CTNNA1: variants seen among roughly 807,000 people sequenced by gnomAD.
The protein encoded by CTNNA1 is catenin alpha-1.
Under a neutral mutation model 98.4 loss-of-function variants are expected in CTNNA1, and 37 were observed. That is an observed-to-expected ratio of 0.38 (90% CI 0.29 to 0.49). The LOEUF (loss-of-function observed/expected upper bound fraction) is 0.49, where lower values mean the gene tolerates loss of function less well. CTNNA1 is among the 20% of genes least tolerant of loss of function. CTNNA1 has a pLI of 0.95. For synonymous variants in CTNNA1, 404 were observed against 413.2 expected (o/e 0.98, Z 0.27); for missense variants, 761 against 1,147.2 (o/e 0.66, Z 4.86).
At chr5:138,784,146 C>T (rs1421343512) in intron 3 of CTNNA1, among the ~76,000 whole-genome samples, 1 of 152,174 alleles carries the variant, frequency 6.6e-6, no homozygotes, top group Non-Finnish European at 1.5e-5. Flanking sequence ...TCAAACAATC[C>T]GCCTGCCTCG....
chr5:138,851,925 C>T (rs572051856), intron 7 of CTNNA1, among the ~76,000 whole-genome samples: 2 of 151,888 alleles, frequency 1.3e-5, no homozygotes, highest in Non-Finnish European at 2.9e-5. Flanking sequence ...AAAAAATTAG[C>T]CAGGCATGAT....
chr5:138,807,466 G>A (rs1333455499), intron 3 of CTNNA1, among the ~76,000 whole-genome samples: 2 of 151,868 alleles, frequency 1.3e-5, no homozygotes, highest in African/African-American at 4.8e-5. Context: ...CCCTAAACTA[G>A]TTGTTAGTGC....
intron 5 of CTNNA1, among the ~76,000 whole-genome samples, chr5:138,820,449 C>T (rs1759923199): frequency 6.6e-6 from 1 of 152,078 alleles, no homozygotes; most frequent in Non-Finnish European, 1.5e-5. Flanking sequence ...TCAGCTGGGC[C>T]TAGTGCCTAT....
chr5:138,917,858 C>T lies in CTNNA1; in HGVS notation c.1506C>T (p.Val502=), dbSNP rs1060504516. The change falls in exon 11 of 18, where the codon GTC becomes GTT. Residue 502 remains valine, a synonymous_variant. Transcript: ENST00000302763. The part of the protein sequence containing the change: ...EKQVRVLTDA[V]DDITSIDDFL... ...AAGTCCGTGTTCTCACAGATGCTGT[C>T]GATGACATTACTTCCATTGATGACT... 40 of 1,614,034 alleles carry T rather than the reference C, an allele frequency of 2.5e-5. No homozygotes were observed. The highest frequency in any genetic ancestry group is 1.6e-4 in the Middle Eastern group (1 of 6,084).
intron 1 of CTNNA1, chr5:138,754,962 T>G (rs953320954): frequency 1.3e-5 from 2 of 152,140 alleles, no homozygotes; most frequent in African/African-American, 4.8e-5. Flanking sequence ...CTCGCTGTCT[T>G]GCCCAAGCTG....
chr5:138,838,555 A>G (rs1176035719), intron 7 of CTNNA1, among the ~76,000 whole-genome samples: 2 of 151,250 alleles, frequency 1.3e-5, no homozygotes, highest in Admixed American at 6.6e-5. Flanking sequence ...AATACTTCCA[A>G]TTTCATCTGT....
chr5:138,806,356 C>CT (rs34857003), intron 3 of CTNNA1, among the ~76,000 whole-genome samples: 98 of 145,608 alleles, frequency 6.7e-4, no homozygotes, highest in African/African-American at 8.2e-4. Flanking sequence ...AGGGTCCTAA[C>CT]TTTTTTTTTT....
intron 7 of CTNNA1, among the ~76,000 whole-genome samples, chr5:138,836,945 TA>T (rs1220633872): frequency 6.6e-6 from 1 of 152,240 alleles, no homozygotes; most frequent in African/African-American, 2.4e-5. Flanking sequence ...TCACAAAGTT[TA>T]AAAAACTTAG....
intron 16 of CTNNA1, chr5:138,931,631 G>T (rs28363495): frequency 1.0e-6 from 1 of 985,424 alleles, no homozygotes; most frequent in Admixed American, 6.1e-5. Context: ...AACCAGTCTT[G>T]TCCTTTCTGC....
intron 9 of CTNNA1, chr5:138,891,212 G>A (rs1465269231): frequency 6.6e-6 from 1 of 152,208 alleles, no homozygotes; most frequent in Non-Finnish European, 1.5e-5. Flanking sequence ...TCACACCAGA[G>A]TGAGTGGTCC....
chr5:138,789,344 GA>G (rs1190271851), intron 3 of CTNNA1, among the ~76,000 whole-genome samples: 2 of 152,184 alleles, frequency 1.3e-5, no homozygotes, highest in African/African-American at 4.8e-5. Flanking sequence ...GGAGCAGGAG[GA>G]AACTCATCCA....
At chr5:138,769,358 A>G (rs1393688858) in intron 1 of CTNNA1, among the ~76,000 whole-genome samples, 1 of 150,856 alleles carries the variant, frequency 6.6e-6, no homozygotes, top group Non-Finnish European at 1.5e-5. Context: ...TTAAATTTTT[A>G]TTTTTATTTA....
At chr5:138,892,356 T>TG (rs1755617456) in intron 9 of CTNNA1, among the ~76,000 whole-genome samples, 1 of 109,840 alleles carries the variant, frequency 9.1e-6, no homozygotes, top group Non-Finnish European at 2.0e-5. Context: ...TTTTTTTTTT[T>TG]TGAGACAGAG....
intron 7 of CTNNA1, chr5:138,872,047 TGTGTGTGTGTGTGTGTGTGTGC>T (rs1310898211): frequency 4.1e-4 from 56 of 136,486 alleles, no homozygotes; most frequent in African/African-American, 1.4e-3. Context: ...TGTGTGTGTG[TGTGTGTGTGTGTGTGTGTGTGC>T]GCTTTTAAAT....
intron 11 of CTNNA1, among the ~76,000 whole-genome samples, chr5:138,922,039 G>A (rs2150266011): frequency 6.6e-6 from 1 of 152,098 alleles, no homozygotes; most frequent in African/African-American, 2.4e-5. Context: ...GTGTGCAGCA[G>A]CCCTGCATAC....
At chr5:138,789,325 T>C (rs958163517) in intron 3 of CTNNA1, among the ~76,000 whole-genome samples, 1 of 151,862 alleles carries the variant, frequency 6.6e-6, no homozygotes, top group African/African-American at 2.4e-5. Flanking sequence ...TCTTGAAAGG[T>C]AGAAAAAGGG....
chr5:138,860,880 T>G (rs1239379556), intron 7 of CTNNA1, among the ~76,000 whole-genome samples: 1 of 152,148 alleles, frequency 6.6e-6, no homozygotes, highest in African/African-American at 2.4e-5. Flanking sequence ...GATGGAGATG[T>G]GGTGATGTGG....
chr5:138,761,764 G>C (rs1005520523), intron 1 of CTNNA1, among the ~76,000 whole-genome samples: 1 of 151,902 alleles, frequency 6.6e-6, no homozygotes, highest in African/African-American at 2.4e-5. Context: ...AGGTCTTTTT[G>C]TTGTTGTTGA....
chr5:138,843,952 A>G (rs1317064454), intron 7 of CTNNA1, among the ~76,000 whole-genome samples: 1 of 152,194 alleles, frequency 6.6e-6, no homozygotes, highest in Non-Finnish European at 1.5e-5. Flanking sequence ...AAAAGTAAGC[A>G]CTTTTTTTAG....
Sources: allele counts gnomAD v4.1 joint callset (sites outside exome capture counted in the v4.1 genomes callset), GRCh38; gene constraint gnomAD v4.1.1; transcripts MANE v1.5; gene names NCBI Gene and HGNC (gene_info 2026-07-23, HGNC 2026-07-21).